Variants in PCDH15 observed in about 807,000 individuals in gnomAD.
PCDH15 encodes the protein protocadherin related 15, also known as protocadherin-15.
A neutral mutation model predicts 178.5 loss-of-function variants in PCDH15; 129 were observed. The observed-to-expected ratio is 0.72, with a 90% CI of 0.63 to 0.84. The LOEUF is 0.84. Ranked by LOEUF, PCDH15 falls within the 40% of genes least tolerant of loss-of-function variation. The pLI is 0.00. For missense variants in PCDH15, 2,230 were observed against 2,099.9 expected, an observed-to-expected ratio of 1.06 and a Z score of -1.21; for synonymous variants, 800 against 732.0, an observed-to-expected ratio of 1.09 and a Z score of -1.50.
intron 2 of PCDH15, among the ~76,000 whole-genome samples, chr10:55,571,675 A>G (rs372124805): frequency 3.2e-4 from 48 of 152,224 alleles, no homozygotes; most frequent in African/African-American, 1.0e-3. Flanking sequence ...TATTACATTG[A>G]CTTTGCTTAG....
chr10:55,599,049 G>T (rs1843004481), intron 2 of PCDH15, among the ~76,000 whole-genome samples: 1 of 152,110 alleles, frequency 6.6e-6, no homozygotes, highest in African/African-American at 2.4e-5. Flanking sequence ...TGGTGCAATA[G>T]ATATAGTACC....
intron 1 of PCDH15, among the ~76,000 whole-genome samples, chr10:55,252,471 T>C (rs1169474158): frequency 3.9e-5 from 6 of 152,182 alleles, no homozygotes; most frequent in African/African-American, 1.2e-4. Context: ...TCCCAAATTA[T>C]AAAATATTGG....
chr10:55,181,950 T>C (rs1199496876), intron 1 of PCDH15, among the ~76,000 whole-genome samples: 1 of 152,018 alleles, frequency 6.6e-6, no homozygotes, highest in African/African-American at 2.4e-5. Context: ...CTTAAATCTC[T>C]ATAATCTAAT....
chr10:54,531,002 G>T (rs1387871947), intron 2 of PCDH15, among the ~76,000 whole-genome samples: 7 of 152,084 alleles, frequency 4.6e-5, no homozygotes, highest in Admixed American at 4.6e-4. Context: ...AAGTAATTTG[G>T]ATGTAATAGC....
At chr10:54,742,885 T>A (rs1944989609) in intron 1 of PCDH15, among the ~76,000 whole-genome samples, 1 of 152,054 alleles carries the variant, frequency 6.6e-6, no homozygotes, top group South Asian at 2.1e-4. Context: ...TCAGGAACAG[T>A]CATATTGCAT....
At chr10:55,280,467 T>G (rs1470324469) in intron 1 of PCDH15, among the ~76,000 whole-genome samples, 9 of 146,490 alleles carry the variant, frequency 6.1e-5, no homozygotes, top group Non-Finnish European at 1.4e-4. Flanking sequence ...TTTTTTTTTT[T>G]TAGTAGAGAC....
At position 54,329,719 on chromosome 10, in the gene PCDH15, A is replaced by C. The variant is rs1302608053; in HGVS notation, c.595-13T>G. ...TGTCATTGGATGTCTGCAAATATTA[A>C]AGATACAGACTTCAGATTATTTGAA... On this transcript the variant is annotated splice_polypyrimidine_tract_variant and intron_variant, in intron 6 of 37. Transcript: ENST00000644397. The C allele has an allele frequency of 8.3e-6, 12 of 1,443,156 alleles. No individual in the cohort carries two copies. Among genetic ancestry groups the C allele is most frequent in the African/African-American group, 2.8e-5 (2 of 71,272 alleles). 89.4% of individuals were successfully genotyped at this position (1,443,156 alleles called of 1,614,324 possible). A position where few individuals can be genotyped will look rare whatever the true frequency, so the allele number is the denominator to read the frequency against.
Position 53,888,304 on chromosome 10 carries a change from A to ATATATATG in PCDH15, c.3501+14938_3501+14939insCATATATA, listed in dbSNP as rs1554845195. On this transcript the variant is annotated intron_variant, in intron 26 of 37. Transcript: ENST00000644397. ...ACACTATATATACATATATATATAT[A>ATATATATG]TATATGTATATATGTACGTATATAT... is the stretch of plus-strand genomic sequence containing the variant. 9.2e-3 allele frequency among the ~76,000 whole-genome samples: 817 copies of ATATATATG among 88,922 alleles called. 34 individuals are homozygous for ATATATATG. Among genetic ancestry groups the ATATATATG allele is most frequent in the African/African-American group, 0.044 (762 of 17,214 alleles). The allele number at this position is 88,922 out of a possible 152,430, so 58.3% of individuals were successfully genotyped here. A position where few individuals can be genotyped will look rare whatever the true frequency, so the allele number is the denominator to read the frequency against.
In PCDH15 at chr10:55,037,861, A is replaced by G. The variant is rs1023707328; in HGVS notation, c.-80+128715T>C. 2.6e-5 allele frequency among the ~76,000 whole-genome samples: 4 copies of G among 152,170 alleles called. No individual in the cohort carries two copies. The South Asian group carries it at 6.2e-4, about 24-fold the overall frequency. Reference sequence around the variant, plus strand: ...ATATCTTTATTCTTATCATAGTGTTATCTTGGAATGAAATATATTATCATG... The same window carrying G: ...ATATCTTTATTCTTATCATAGTGTTGTCTTGGAATGAAATATATTATCATG... On this transcript the variant is annotated intron_variant, in intron 2 of 5. Transcript: ENST00000458638.
intron 5 of PCDH15, among the ~76,000 whole-genome samples, chr10:54,364,726 C>T (rs933871316): frequency 6.6e-6 from 1 of 152,062 alleles, no homozygotes; most frequent in Admixed American, 6.6e-5. Flanking sequence ...AATTTACTCT[C>T]ACACAGTTTG....
At chr10:53,838,880 T>G (rs1044643746) in intron 29 of PCDH15, among the ~76,000 whole-genome samples, 2 of 149,818 alleles carry the variant, frequency 1.3e-5, no homozygotes, top group African/African-American at 4.9e-5. Flanking sequence ...GTTAGTATCC[T>G]GTTTTGCACA....
chr10:54,580,776 G>A (rs1356427193), intron 2 of PCDH15, among the ~76,000 whole-genome samples: 1 of 152,042 alleles, frequency 6.6e-6, no homozygotes, highest in Non-Finnish European at 1.5e-5. Flanking sequence ...TTTCTGGGAT[G>A]CAAGAGTAGT....
chr10:54,935,022 C>T (rs1216127281), intron 2 of PCDH15, among the ~76,000 whole-genome samples: 2 of 148,370 alleles, frequency 1.3e-5, no homozygotes, highest in South Asian at 4.3e-4. Context: ...CAGATGGGAA[C>T]TGAACAATGA....
chr10:53,886,375 G>A (rs1386790926), intron 26 of PCDH15, among the ~76,000 whole-genome samples: 1 of 151,940 alleles, frequency 6.6e-6, no homozygotes, highest in African/African-American at 2.4e-5. Context: ...TTTGGAAAAC[G>A]GTTAGACTTA....
intron 2 of PCDH15, among the ~76,000 whole-genome samples, chr10:55,029,378 T>C (rs1027160742): frequency 6.6e-5 from 10 of 152,070 alleles, no homozygotes; most frequent in African/African-American, 2.4e-4. Flanking sequence ...CTAGTAATTT[T>C]GCTTCAGCAG....
intron 8 of PCDH15, among the ~76,000 whole-genome samples, chr10:54,279,534 T>A (rs997067): frequency 4.0e-4 from 61 of 151,346 alleles, no homozygotes; most frequent in African/African-American, 1.2e-3. Context: ...ACAAGAAAAC[T>A]ACTTTACTTT....
chr10:54,291,882 T>C (rs1456897280), intron 8 of PCDH15, among the ~76,000 whole-genome samples: 1 of 152,204 alleles, frequency 6.6e-6, no homozygotes, highest in Non-Finnish European at 1.5e-5. Flanking sequence ...AGCCTAATTA[T>C]ACCAGAGGTA....
intron 2 of PCDH15, among the ~76,000 whole-genome samples, chr10:55,094,415 T>C (rs1027780346): frequency 1.3e-5 from 2 of 151,860 alleles, no homozygotes; most frequent in African/African-American, 2.4e-5. Context: ...GGGGGAGGGA[T>C]AGCATTTAGG....
chr10:55,591,783 T>C (rs1239560434), intron 2 of PCDH15, among the ~76,000 whole-genome samples: 1 of 152,060 alleles, frequency 6.6e-6, no homozygotes, highest in African/African-American at 2.4e-5. Flanking sequence ...AGTCACATAA[T>C]ACATAACAAA....
Sources: allele counts gnomAD v4.1 joint callset (sites outside exome capture counted in the v4.1 genomes callset), GRCh38; gene constraint gnomAD v4.1.1; transcripts MANE v1.5; gene names NCBI Gene and HGNC (gene_info 2026-07-23, HGNC 2026-07-21).